The following DFFA variants were observed in gnomAD, a reference collection of about 807,000 sequenced individuals.
The protein encoded by DFFA is DFF45.
Under a neutral mutation model 28.0 loss-of-function variants are expected in DFFA, and 14 were observed. The ratio of observed to expected loss-of-function variants is 0.50; its 90% CI spans 0.33 to 0.78. DFFA has a LOEUF of 0.78. Among genes scored for constraint, DFFA ranks in the 30% least tolerant of loss-of-function variants. The pLI is 0.02. For synonymous variants in DFFA, 158 were observed against 170.3 expected (o/e 0.93, Z 0.56); for missense variants, 395 against 407.1 (o/e 0.97, Z 0.26).
intron 1 of DFFA, 100 bp from the exon 2 acceptor site, chr1:10,469,438 TC>T (rs952672189): frequency 1.0e-6 from 1 of 983,952 alleles, no homozygotes. Flanking sequence ...TGAGCAGAAC[TC>T]CTGGTAGGTA....
At chr1:10,471,770 G>A (rs2124350889) in intron 1 of DFFA, among the ~76,000 whole-genome samples, 1 of 152,338 alleles carries the variant, frequency 6.6e-6, no homozygotes, top group East Asian at 1.9e-4. Context: ...TGAGAAAACT[G>A]AGGGTTGAGA....
Position 10,461,002 on chromosome 1 carries a change from A to G in DFFA, c.*488T>C, listed in dbSNP as rs1479546166. The G allele has an allele frequency of 2.8e-5, 4 of 141,834 alleles. No individual in the cohort carries two copies. Among genetic ancestry groups the G allele is most frequent in the East Asian group, 2.1e-4 (1 of 4,678 alleles). The allele number at this position is 141,834 out of a possible 1,614,324, so 8.8% of individuals were successfully genotyped here. A position where few individuals can be genotyped will look rare whatever the true frequency, so the allele number is the denominator to read the frequency against. The stretch of plus-strand genomic sequence containing the variant: ...CAGCTCACTGCAAGCTCTGCCTCCC[A>G]GGTTCATGCCATTCTCCTGCCTCAG... On this transcript the variant is annotated 3_prime_UTR_variant, in exon 6 of 6. Transcript: ENST00000377038.
At position 10,460,907 on chromosome 1, in the gene DFFA, CTTT is replaced by C. The variant is rs34862260; in HGVS notation, c.*580_*582del. Reference sequence around the variant, plus strand: ...GTGCGCCCATAGTCACTGCCAATTACTTTTTTTTTTTTTTTTTTTGAGACGGAG... The same window carrying C: ...GTGCGCCCATAGTCACTGCCAATTACTTTTTTTTTTTTTTTTGAGACGGAG... On this transcript the variant is annotated 3_prime_UTR_variant, in exon 6 of 6. Transcript: ENST00000377038. 1.1e-4 allele frequency: 9 copies of C among 80,350 alleles called. No individual in the cohort carries two copies. Among genetic ancestry groups the C allele is most frequent in the Admixed American group, 1.3e-4 (1 of 7,466 alleles). 5.0% of individuals were successfully genotyped at this position (80,350 alleles called of 1,614,324 possible).
rs1254529833 is a variant in DFFA, at chr1:10,458,741, T to C, written c.*2749A>G. 1 of 152,140 alleles carries C rather than the reference T, an allele frequency of 6.6e-6. No homozygotes were observed. Among genetic ancestry groups the C allele is most frequent in the Non-Finnish European group, 1.5e-5 (1 of 68,060 alleles). 9.4% of individuals were successfully genotyped at this position (152,140 alleles called of 1,614,324 possible). On this transcript the variant is annotated 3_prime_UTR_variant, in exon 6 of 6. Transcript: ENST00000377038. ...TTTAGTAGACTGGGTTTTGTCACGTTGGCCAGGCTGGTCTCAAACTCCTGA... is the reference window on the plus strand; with the variant it reads ...TTTAGTAGACTGGGTTTTGTCACGTCGGCCAGGCTGGTCTCAAACTCCTGA...
intron 3 of DFFA, among the ~76,000 whole-genome samples, chr1:10,465,501 T>C (rs1199983044): frequency 1.3e-5 from 2 of 151,970 alleles, no homozygotes; most frequent in African/African-American, 4.8e-5. Flanking sequence ...CTTGACCTTG[T>C]GATCCACCCT....
At chr1:10,469,728 C>T (rs1236445783) in intron 1 of DFFA, among the ~76,000 whole-genome samples, 1 of 152,136 alleles carries the variant, frequency 6.6e-6, no homozygotes, top group Non-Finnish European at 1.5e-5. Flanking sequence ...ACCATGTTGA[C>T]CAGGCTGGTC....
intron 5 of DFFA, 103 bp from the exon 6 acceptor site, chr1:10,461,805 A>G: frequency 6.6e-7 from 1 of 1,521,760 alleles, no homozygotes; most frequent in Non-Finnish European, 8.8e-7. Context: ...GTATCCGTTT[A>G]TGTTACCTCT....
rs191174190 is a variant in DFFA, at chr1:10,464,541, C to A, written c.442-921G>T. 1.4e-3 allele frequency among the ~76,000 whole-genome samples: 217 copies of A among 152,100 alleles called. 3 individuals are homozygous for A. Among genetic ancestry groups the A allele is most frequent in the South Asian group, 6.0e-3 (29 of 4,816 alleles). On this transcript the variant is annotated intron_variant, in intron 3 of 5. Coordinates refer to ENST00000377038, the MANE Select transcript of DFFA (RefSeq NM_004401.3). The stretch of plus-strand genomic sequence containing the variant: ...ACCAGCCTGGGCAACATGGTGAAAC[C>A]CTGTCTTTACCAAAAATATAAAAAT...
chr1:10,468,459 C>T (rs1641051139), intron 2 of DFFA, among the ~76,000 whole-genome samples: 1 of 151,416 alleles, frequency 6.6e-6, no homozygotes, highest in Admixed American at 6.6e-5. Flanking sequence ...TTCACAACTC[C>T]AGCCCCAAAT....
Position 10,459,453 on chromosome 1 carries a change from A to C in DFFA, c.*2037T>G, listed in dbSNP as rs1640898500. Reference sequence around the variant, plus strand: ...AGCAATTAGAAAACTGAAGAGTTTCACGGTGGTGAGATAGAATTTCACAAT... The same window carrying C: ...AGCAATTAGAAAACTGAAGAGTTTCCCGGTGGTGAGATAGAATTTCACAAT... On this transcript the variant is annotated 3_prime_UTR_variant, in exon 6 of 6. Coordinates refer to ENST00000377038, the MANE Select transcript of DFFA (RefSeq NM_004401.3). 1 of 152,202 alleles carries C rather than the reference A, an allele frequency of 6.6e-6. No homozygotes were observed. The allele number at this position is 152,202 out of a possible 1,614,324, so 9.4% of individuals were successfully genotyped here.
chr1:10,463,297 G>A, intron 4 of DFFA, 88 bp from the exon 5 acceptor site: 1 of 1,565,522 alleles, frequency 6.4e-7, no homozygotes, highest in Non-Finnish European at 8.7e-7. Flanking sequence ...CCGGGCAAGA[G>A]AGAAACGTGC....
chr1:10,472,452 C>T lies in DFFA; in HGVS notation c.7G>A (p.Val3Met). 1.5e-5 allele frequency: 24 copies of T among 1,610,090 alleles called. No homozygotes were observed. Among genetic ancestry groups the T allele is most frequent in the Non-Finnish European group, 2.0e-5 (24 of 1,177,812 alleles). ME[V>M]TGDAGVPESG... The stretch of plus-strand genomic sequence containing the variant: ...TCTGGTACCCCGGCGTCCCCGGTCA[C>T]CTCCATCCTCCACAAGGTGGGACCT... The change falls in exon 1 of 6, where the codon GTG (valine) becomes ATG (methionine). Residue 3 changes from valine to methionine, a missense_variant. Val to Met is a conservative substitution (Grantham distance 21). Transcript: ENST00000377038. The surrounding 1 kb of genome is among the most constrained non-coding windows in gnomAD (Gnocchi z 5.0).
intron 2 of DFFA, 77 bp from the exon 3 acceptor site, chr1:10,467,409 C>G (rs1641038533): frequency 1.3e-6 from 2 of 1,490,836 alleles, no homozygotes; most frequent in Admixed American, 3.4e-5. Context: ...CACACACAGA[C>G]CTCTTGAGGA....
chr1:10,471,798 C>T (rs1001638289), intron 1 of DFFA, among the ~76,000 whole-genome samples: 1 of 152,194 alleles, frequency 6.6e-6, no homozygotes, highest in African/African-American at 2.4e-5. Flanking sequence ...AAGTGCAAGG[C>T]CAAGCAGCTG....
In DFFA at chr1:10,472,528, A is replaced by C; in HGVS notation, c.-70T>G. The C allele has an allele frequency of 4.7e-6, 7 of 1,488,562 alleles. No individual in the cohort carries two copies. Among genetic ancestry groups the C allele is most frequent in the East Asian group, 2.6e-5 (1 of 38,880 alleles). 92.2% of individuals were successfully genotyped at this position (1,488,562 alleles called of 1,614,324 possible). ...GCCGGAGCGGCGGTCCTTCTACTCG[A>C]CCCCCTTCCGCAGCCTGCCGGGAGA... On this transcript the variant is annotated 5_prime_UTR_variant, in exon 1 of 6. Transcript: ENST00000377038. This position sits in a 1 kb window ranked among gnomAD's most constrained non-coding sequence, Gnocchi z 5.0.
At chr1:10,465,423 G>A (rs563064573) in intron 3 of DFFA, among the ~76,000 whole-genome samples, 4 of 152,086 alleles carry the variant, frequency 2.6e-5, no homozygotes, top group Admixed American at 6.6e-5. Flanking sequence ...TTGCCGCCAC[G>A]CCTGGCTAAT....
intron 1 of DFFA, 44 bp from the exon 2 acceptor site, chr1:10,469,382 G>GAAATT (rs1641064580): frequency 6.3e-7 from 1 of 1,584,252 alleles, no homozygotes; most frequent in Admixed American, 1.7e-5. Flanking sequence ...TAACCGTAAG[G>GAAATT]AAATTACATC....
Position 10,460,565 on chromosome 1 carries a change from T to G in DFFA, c.*925A>C, listed in dbSNP as rs1299037923. Reference sequence around the variant, plus strand: ...TTTTTTTTGAGACAGAGTGTCACTCTGTCACCCAGGCTGGAGTACAGTGGC... The same window carrying G: ...TTTTTTTTGAGACAGAGTGTCACTCGGTCACCCAGGCTGGAGTACAGTGGC... On this transcript the variant is annotated 3_prime_UTR_variant, in exon 6 of 6. Coordinates refer to ENST00000377038, the MANE Select transcript of DFFA (RefSeq NM_004401.3). 1 of 149,620 alleles carries G rather than the reference T, an allele frequency of 6.7e-6. No homozygotes were observed. Among genetic ancestry groups the G allele is most frequent in the Non-Finnish European group, 1.5e-5 (1 of 67,602 alleles). 9.3% of individuals were successfully genotyped at this position (149,620 alleles called of 1,614,324 possible). A position where few individuals can be genotyped will look rare whatever the true frequency, so the allele number is the denominator to read the frequency against.
chr1:10,467,029 G>A (rs1181383967), intron 3 of DFFA, among the ~76,000 whole-genome samples, 161 bp downstream of exon 3: 2 of 150,788 alleles, frequency 1.3e-5, no homozygotes, highest in Admixed American at 1.3e-4. Flanking sequence ...TACTCTAGGT[G>A]AGAATGAGAA....
Sources: allele counts gnomAD v4.1 joint callset (sites outside exome capture counted in the v4.1 genomes callset), GRCh38; gene constraint gnomAD v4.1.1; non-coding constraint Gnocchi (gnomAD v3.1); transcripts MANE v1.5; gene names NCBI Gene and HGNC (gene_info 2026-07-23, HGNC 2026-07-21).